Variants in ST8SIA4 observed in about 807,000 individuals in gnomAD.
ST8SIA4 encodes the protein ST8 alpha-N-acetyl-neuraminide alpha-2,8-sialyltransferase 4, also known as CMP-N-acetylneuraminate-poly-alpha-2,8-sialyltransferase.
In ST8SIA4, 15 loss-of-function variants were observed where a neutral mutation model predicts 33.9. The ratio of observed to expected loss-of-function variants is 0.44; its 90% CI spans 0.30 to 0.68. The LOEUF (loss-of-function observed/expected upper bound fraction) is 0.68. Ranked by LOEUF, ST8SIA4 falls within the 30% of genes least tolerant of loss-of-function variation. The probability of loss-of-function intolerance (pLI) is 0.10; values close to 1 mark genes in which losing one functional copy is unlikely to be tolerated. For missense variants in ST8SIA4, 321 were observed against 428.0 expected (o/e 0.75, Z 2.21); for synonymous variants, 171 against 151.2 (o/e 1.13, Z -0.96).
chr5:100,812,095 G>A lies in ST8SIA4; in HGVS notation c.832C>T (p.Pro278Ser). Reference protein sequence around the residue: ...WLTNKVPIKRPSTGLLMYTLA... With the variant: ...WLTNKVPIKRSSTGLLMYTLA... The stretch of plus-strand genomic sequence containing the variant: ...GTATACATGAGAAGACCTGTGCTGG[G>A]TCTTTTGATAGGAACTTTGTTGGTC... The change falls in exon 5 of 5, where the codon CCC (proline) becomes TCC (serine). Residue 278 changes from proline to serine, a missense_variant. Pro to Ser is a moderately conservative substitution (Grantham distance 74). Transcript: ENST00000231461. 1 of 1,612,488 alleles carries A rather than the reference G, an allele frequency of 6.2e-7. No individual in the cohort carries two copies. Among genetic ancestry groups the A allele is most frequent in the Non-Finnish European group, 8.5e-7 (1 of 1,179,580 alleles).
At chr5:100,818,970 A>G (rs899730395) in intron 4 of ST8SIA4, among the ~76,000 whole-genome samples, 4 of 152,172 alleles carry the variant, frequency 2.6e-5, no homozygotes, top group Admixed American at 6.5e-5. Context: ...ATACAATGTT[A>G]AGAAATTCTA....
intron 4 of ST8SIA4, among the ~76,000 whole-genome samples, chr5:100,844,051 C>G (rs1751521126): frequency 6.6e-6 from 1 of 151,882 alleles, no homozygotes; most frequent in Non-Finnish European, 1.5e-5. Flanking sequence ...ATCTGGATGG[C>G]TCCCTAATTT....
rs1409092839 is a variant in ST8SIA4, at chr5:100,810,742, C to T, written c.*1105G>A. The T allele has an allele frequency of 6.6e-6, 1 of 151,858 alleles. No individual in the cohort carries two copies. Among genetic ancestry groups the T allele is most frequent in the Admixed American group, 6.6e-5 (1 of 15,234 alleles). The allele number at this position is 151,858 out of a possible 1,614,324, so 9.4% of individuals were successfully genotyped here. The stretch of plus-strand genomic sequence containing the variant: ...TTTGGTACCAAAGATTTTTTTTTCC[C>T]GGCCTATTTTACCATCTCTGATGAC... On this transcript the variant is annotated 3_prime_UTR_variant, in exon 5 of 5. Coordinates refer to ENST00000231461, the MANE Select transcript of ST8SIA4 (RefSeq NM_005668.6).
At chr5:100,815,201 T>A (rs1580445868) in intron 4 of ST8SIA4, among the ~76,000 whole-genome samples, 1 of 152,024 alleles carries the variant, frequency 6.6e-6, no homozygotes, top group Middle Eastern at 3.4e-3. Context: ...TGTAAGCTCC[T>A]TGTAGAAAAT....
At chr5:100,889,731 A>G (rs1481689107) in intron 2 of ST8SIA4, among the ~76,000 whole-genome samples, 1 of 151,998 alleles carries the variant, frequency 6.6e-6, no homozygotes, top group Non-Finnish European at 1.5e-5. Flanking sequence ...TTTAAAAGAC[A>G]TCATATTGTC....
intron 3 of ST8SIA4, among the ~76,000 whole-genome samples, chr5:100,884,253 A>G (rs1752488852): frequency 6.6e-6 from 1 of 152,258 alleles, no homozygotes; most frequent in Non-Finnish European, 1.5e-5. Context: ...TATGTACAAT[A>G]TCAACTTCTA....
At chr5:100,833,386 G>A (rs1406146481) in intron 4 of ST8SIA4, among the ~76,000 whole-genome samples, 2 of 152,062 alleles carry the variant, frequency 1.3e-5, no homozygotes, top group Non-Finnish European at 2.9e-5. Context: ...TGATTGGGCT[G>A]CAAAATGAAT....
intron 3 of ST8SIA4, among the ~76,000 whole-genome samples, chr5:100,880,225 G>A (rs565396020): frequency 6.6e-6 from 1 of 152,192 alleles, no homozygotes; most frequent in Non-Finnish European, 1.5e-5. Flanking sequence ...TTAAAAAAGG[G>A]ATAAATGCAG....
intron 3 of ST8SIA4, chr5:100,885,811 T>C (rs543191687): frequency 1.2e-5 from 11 of 884,886 alleles, no homozygotes; most frequent in East Asian, 1.2e-4. Context: ...AAACATAAAA[T>C]TCAAATATAC....
At chr5:100,823,305 G>A (rs191188712) in intron 4 of ST8SIA4, among the ~76,000 whole-genome samples, 53 of 152,300 alleles carry the variant, frequency 3.5e-4, no homozygotes, top group Admixed American at 2.0e-3. Context: ...GGGAAGGTAT[G>A]AATAATCCAC....
intron 4 of ST8SIA4, among the ~76,000 whole-genome samples, chr5:100,813,921 C>A (rs1257413420): frequency 6.6e-6 from 1 of 151,866 alleles, no homozygotes; most frequent in Non-Finnish European, 1.5e-5. Context: ...TGATTAGGAA[C>A]AATTTGGCAG....
intron 4 of ST8SIA4, among the ~76,000 whole-genome samples, chr5:100,812,461 A>G (rs986011684): frequency 6.6e-6 from 1 of 152,130 alleles, no homozygotes; most frequent in African/African-American, 2.4e-5. Context: ...AAAAAGGATT[A>G]AATACAACTG....
chr5:100,897,171 C>A (rs948516430), intron 1 of ST8SIA4, among the ~76,000 whole-genome samples: 1 of 152,036 alleles, frequency 6.6e-6, no homozygotes, highest in Admixed American at 6.6e-5. Flanking sequence ...ATTAAGTAGT[C>A]ATTATTAGTA....
chr5:100,893,628 C>T (rs1326326927), intron 2 of ST8SIA4, among the ~76,000 whole-genome samples: 1 of 151,930 alleles, frequency 6.6e-6, no homozygotes, highest in Non-Finnish European at 1.5e-5. Context: ...ATGTATATAG[C>T]CTATTTATAG....
chr5:100,882,657 G>T (rs1009137711), intron 3 of ST8SIA4, among the ~76,000 whole-genome samples: 3 of 152,166 alleles, frequency 2.0e-5, no homozygotes, highest in Non-Finnish European at 4.4e-5. Flanking sequence ...GGAGAAAATG[G>T]TTTCACGGGC....
intron 4 of ST8SIA4, among the ~76,000 whole-genome samples, chr5:100,818,905 G>A (rs1750984307): frequency 6.6e-6 from 1 of 152,080 alleles, no homozygotes; most frequent in African/African-American, 2.4e-5. Flanking sequence ...TGTTAGCTCT[G>A]AATTTCACCC....
intron 4 of ST8SIA4, among the ~76,000 whole-genome samples, chr5:100,826,731 C>A (rs1313229111): frequency 6.6e-6 from 1 of 151,934 alleles, no homozygotes; most frequent in South Asian, 2.1e-4. Flanking sequence ...CAAATTGTTA[C>A]AGGGTATCAT....
At chr5:100,823,600 T>C (rs1009002959) in intron 4 of ST8SIA4, among the ~76,000 whole-genome samples, 1 of 152,188 alleles carries the variant, frequency 6.6e-6, no homozygotes. Flanking sequence ...GTTTATAATT[T>C]AACGAACTAG....
Position 100,807,317 on chromosome 5 carries a change from C to G in ST8SIA4, c.*4530G>C, listed in dbSNP as rs1275122516. ...TTGAACAGAATGAACTTGAACTTGACAGAATAAACCTCATCTTTCAGTTCC... is the reference window on the plus strand; with the variant it reads ...TTGAACAGAATGAACTTGAACTTGAGAGAATAAACCTCATCTTTCAGTTCC... On this transcript the variant is annotated 3_prime_UTR_variant, in exon 5 of 5. Transcript: ENST00000231461. The G allele has an allele frequency of 6.6e-6, 1 of 152,522 alleles. No homozygotes were observed. The highest frequency in any genetic ancestry group is 1.5e-5 in the Non-Finnish European group (1 of 67,964). The allele number at this position is 152,522 out of a possible 1,614,324, so 9.4% of individuals were successfully genotyped here. A position where few individuals can be genotyped will look rare whatever the true frequency, so the allele number is the denominator to read the frequency against.
Sources: allele counts gnomAD v4.1 joint callset (sites outside exome capture counted in the v4.1 genomes callset), GRCh38; gene constraint gnomAD v4.1.1; transcripts MANE v1.5; gene names NCBI Gene and HGNC (gene_info 2026-07-23, HGNC 2026-07-21).